Variants in CBR4 observed in about 807,000 individuals in gnomAD.
CBR4 encodes the protein carbonyl reductase 4.
A neutral mutation model predicts 21.0 loss-of-function variants in CBR4; 22 were observed. The ratio of observed to expected loss-of-function variants is 1.05; its 90% confidence interval spans 0.75 to 1.50. CBR4 has a LOEUF of 1.50. CBR4 is among the 40% of genes most tolerant of loss of function. The pLI is 0.00. For missense variants in CBR4, 302 were observed against 286.3 expected, an observed-to-expected ratio of 1.05 and a Z score of -0.40; for synonymous variants, 100 against 104.4, an observed-to-expected ratio of 0.96 and a Z score of 0.26.
At position 168,988,608 on chromosome 4, in the gene CBR4, G is replaced by T. The variant is rs1764776473; in HGVS notation, c.*1542C>A. On this transcript the variant is annotated 3_prime_UTR_variant, in exon 5 of 5. Coordinates refer to ENST00000306193, the MANE Select transcript of CBR4 (RefSeq NM_032783.5). The stretch of plus-strand genomic sequence containing the variant: ...CTACATTGAAACCATTCTGAGTGCT[G>T]CATTTCCTATATGTGCCTAGACTTG... 1 of 985,268 alleles carries T rather than the reference G, an allele frequency of 1.0e-6. No individual in the cohort carries two copies. Among genetic ancestry groups the T allele is most frequent in the African/African-American group, 1.7e-5 (1 of 57,234 alleles). 61.0% of individuals were successfully genotyped at this position (985,268 alleles called of 1,614,324 possible). A position where few individuals can be genotyped will look rare whatever the true frequency, so the allele number is the denominator to read the frequency against.
rs768447479 is a variant in CBR4, at chr4:169,006,901, G to T, written c.264-10C>A. The T allele has an allele frequency of 1.2e-6, 2 of 1,605,514 alleles. No individual in the cohort carries two copies. Among genetic ancestry groups the T allele is most frequent in the Admixed American group, 3.3e-5 (2 of 59,896 alleles). On this transcript the variant is annotated splice_polypyrimidine_tract_variant and intron_variant, in intron 2 of 4. Coordinates refer to ENST00000306193, the MANE Select transcript of CBR4 (RefSeq NM_032783.5). ...TACTAAAAGACCATCCCTACAAAAAGAAACAGCATATAATAGCATATAATA... is the reference window on the plus strand; with the variant it reads ...TACTAAAAGACCATCCCTACAAAAATAAACAGCATATAATAGCATATAATA...
In CBR4 at chr4:168,987,999, G is replaced by A. The variant is rs149152561; in HGVS notation, c.*2151C>T. On this transcript the variant is annotated 3_prime_UTR_variant, in exon 5 of 5. Coordinates refer to ENST00000306193, the MANE Select transcript of CBR4 (RefSeq NM_032783.5). The stretch of plus-strand genomic sequence containing the variant: ...ACAGAACCCTTATGGGCTCATAGGA[G>A]TCAGCAAACAGCTACAGATGAGTCT... 1,502 of 985,364 alleles carry A rather than the reference G, an allele frequency of 1.5e-3. 4 individuals carry two copies. The highest frequency in any genetic ancestry group is 1.6e-3 in the Non-Finnish European group (1,332 of 829,884). The allele number at this position is 985,364 out of a possible 1,614,324, so 61.0% of individuals were successfully genotyped here.
intron 1 of CBR4, among the ~76,000 whole-genome samples, chr4:169,009,658 G>A (rs1026170706): frequency 6.6e-6 from 1 of 152,252 alleles, no homozygotes; most frequent in African/African-American, 2.4e-5. Context: ...CTAGCCGCAG[G>A]GCGGAGGGTG....
intron 2 of CBR4, 45 bp downstream of exon 2, chr4:169,007,590 AG>A: frequency 8.1e-7 from 1 of 1,232,160 alleles, no homozygotes; most frequent in Non-Finnish European, 1.1e-6. Flanking sequence ...TAGGAATAAA[AG>A]TTTTAAATAT....
chr4:168,998,889 A>G (rs1043990551), intron 4 of CBR4, among the ~76,000 whole-genome samples: 2 of 152,176 alleles, frequency 1.3e-5, no homozygotes, highest in African/African-American at 4.8e-5. Flanking sequence ...GAAACTTTGT[A>G]GTTAACAGCA....
intron 2 of CBR4, among the ~76,000 whole-genome samples, chr4:168,980,179 G>T (rs890697206): frequency 6.6e-6 from 1 of 151,918 alleles, no homozygotes. Flanking sequence ...CCCCAGGGCT[G>T]CAGTGCCAAG....
At position 169,003,386 on chromosome 4, in the gene CBR4, C is replaced by T. The variant is rs552932114; in HGVS notation, c.401-1181G>A. ...GCCTGAAGATGTGACTGAATTGCTG[C>T]AATCTTATGATAAAACAAATGGGTG... On this transcript the variant is annotated intron_variant, in intron 3 of 4. Transcript: ENST00000306193. Among the ~76,000 whole-genome samples, 4 of 152,296 alleles carry T rather than the reference C, an allele frequency of 2.6e-5. No homozygotes were observed. The East Asian group carries it at 7.7e-4, about 29-fold the overall frequency.
intron 2 of CBR4, among the ~76,000 whole-genome samples, chr4:168,966,756 C>G (rs571804891): frequency 3.3e-5 from 5 of 152,042 alleles, no homozygotes; most frequent in Non-Finnish European, 7.4e-5. Context: ...CAGTGGCTCA[C>G]GCCTGTAATC....
intron 2 of CBR4, chr4:168,921,406 CAAAAAAAAA>C (rs5863967): frequency 3.0e-5 from 11 of 362,432 alleles, no homozygotes; most frequent in South Asian, 1.8e-4. Flanking sequence ...AAACTCTGTC[CAAAAAAAAA>C]AAAAAAAAAA....
At chr4:168,980,825 G>A (rs1183453303) in intron 2 of CBR4, among the ~76,000 whole-genome samples, 1 of 152,188 alleles carries the variant, frequency 6.6e-6, no homozygotes, top group African/African-American at 2.4e-5. Flanking sequence ...GTTACACCAT[G>A]ATTAAAGGAA....
At chr4:168,966,871 A>T (rs929887249) in intron 2 of CBR4, among the ~76,000 whole-genome samples, 1 of 151,522 alleles carries the variant, frequency 6.6e-6, no homozygotes, top group African/African-American at 2.4e-5. Flanking sequence ...ACAAAAAACT[A>T]GCCGGGTGTG....
intron 2 of CBR4, among the ~76,000 whole-genome samples, chr4:168,901,782 C>G (rs750178376): frequency 1.3e-5 from 2 of 152,086 alleles, no homozygotes; most frequent in Non-Finnish European, 2.9e-5. Context: ...CACTTGAACC[C>G]GGGAGGCAGA....
chr4:168,905,243 T>C (rs1288633697), intron 2 of CBR4, among the ~76,000 whole-genome samples: 195 of 132,540 alleles, frequency 1.5e-3, no homozygotes, highest in Non-Finnish European at 2.1e-3. Flanking sequence ...CTCCGCCTCC[T>C]GCGTTCACAC....
chr4:168,989,798 T>C lies in CBR4; in HGVS notation c.*352A>G, dbSNP rs1764821375. The C allele has an allele frequency of 3.0e-6, 3 of 999,862 alleles. No homozygotes were observed. 61.9% of individuals were successfully genotyped at this position (999,862 alleles called of 1,614,324 possible). On this transcript the variant is annotated 3_prime_UTR_variant, in exon 5 of 5. Coordinates refer to ENST00000306193, the MANE Select transcript of CBR4 (RefSeq NM_032783.5). ...CTATGAGGTAACCAAAGGTAAGTGATACACATCCTTTAGAAAACACAATTT... is the reference window on the plus strand; with the variant it reads ...CTATGAGGTAACCAAAGGTAAGTGACACACATCCTTTAGAAAACACAATTT...
rs140237086 is a variant in CBR4 at position 168,895,388 on chromosome 4, A to G, written n.170-623T>C. 4.9e-3 allele frequency among the ~76,000 whole-genome samples: 742 copies of G among 152,318 alleles called. 7 individuals are homozygous for G. The highest frequency in any genetic ancestry group is 5.5e-3 in the Admixed American group (84 of 15,304). On this transcript the variant is annotated intron_variant and non_coding_transcript_variant, in intron 2 of 3. Transcript: ENST00000509108. ...AGAGTGAGACTTCGTCTCCAAAACA[A>G]AACAAAACTAAAAACACATATACGA...
At chr4:169,008,058 G>T (rs547360505) in intron 1 of CBR4, among the ~76,000 whole-genome samples, 23 of 152,226 alleles carry the variant, frequency 1.5e-4, no homozygotes, top group African/African-American at 5.5e-4. Context: ...AATATTTATA[G>T]CTTTAACACT....
intron 3 of CBR4, chr4:169,005,230 G>C (rs1437571643): frequency 2.0e-5 from 3 of 151,842 alleles, no homozygotes; most frequent in African/African-American, 7.3e-5. Context: ...ATACATGCAC[G>C]AAAAAAATAC....
chr4:168,925,898 A>AG (rs1388233956), intron 2 of CBR4, among the ~76,000 whole-genome samples: 1 of 151,862 alleles, frequency 6.6e-6, no homozygotes, highest in Admixed American at 6.6e-5. Context: ...TTAAAAGGAG[A>AG]GGGGGGATGA....
At chr4:169,007,043 C>T (rs1730966034) in intron 2 of CBR4, 152 bp from the exon 3 acceptor site, 3 of 606,782 alleles carry the variant, frequency 4.9e-6, no homozygotes, top group Non-Finnish European at 8.6e-6. Flanking sequence ...TTGAACTTGG[C>T]TTGAGAAACA....
Sources: allele counts gnomAD v4.1 joint callset (sites outside exome capture counted in the v4.1 genomes callset), GRCh38; gene constraint gnomAD v4.1.1; transcripts MANE v1.5; gene names NCBI Gene and HGNC (gene_info 2026-07-23, HGNC 2026-07-21).